The following CTF1 variants were observed in gnomAD, a reference collection of about 807,000 sequenced individuals.
CTF1 encodes cardiotrophin 1, also known as cardiotrophin-1.
CTF1 carries 9 observed loss-of-function variants against 10.9 expected under a neutral mutation model. The observed-to-expected ratio is 0.83, with a 90% CI of 0.50 to 1.44. The LOEUF is 1.44. Ranked by LOEUF, CTF1 falls within the 40% of genes most tolerant of loss-of-function variation. The pLI is 0.00. For missense variants in CTF1, 259 were observed against 275.3 expected, an observed-to-expected ratio of 0.94 and a Z score of 0.42; for synonymous variants, 133 against 138.8, an observed-to-expected ratio of 0.96 and a Z score of 0.29.
chr16:30,898,775 C>A (rs2055375895), intron 1 of CTF1, among the ~76,000 whole-genome samples: 1 of 152,088 alleles, frequency 6.6e-6, no homozygotes, highest in African/African-American at 2.4e-5. Context: ...CCTCTCATCT[C>A]AGCCTCTCAA....
upstream of CTF1, among the ~76,000 whole-genome samples, chr16:30,896,437 C>T (rs148209388): frequency 1.1e-3 from 168 of 152,322 alleles, 5 homozygotes; most frequent in East Asian, 0.026. Context: ...AACTTGCCTT[C>T]CCCCTCGGGC....
At position 30,902,700 on chromosome 16, in the gene CTF1, G is replaced by T; in HGVS notation, c.*161G>T. 2 of 1,143,688 alleles carry T rather than the reference G, an allele frequency of 1.7e-6. No homozygotes were observed. Among genetic ancestry groups the T allele is most frequent in the East Asian group, 6.8e-5 (2 of 29,602 alleles). 70.8% of individuals were successfully genotyped at this position (1,143,688 alleles called of 1,614,324 possible). On this transcript the variant is annotated 3_prime_UTR_variant, in exon 3 of 3. Coordinates refer to ENST00000279804, the MANE Select transcript of CTF1 (RefSeq NM_001330.5). ...TTGTGGGGGAGAGGGGAGGGGACGG[G>T]CAGGGTCTCTGTCGCCCAGGCTGGG...
rs928946667 is a variant in CTF1, at chr16:30,902,644, C to T, written c.*105C>T. 5.7e-5 allele frequency: 77 copies of T among 1,345,932 alleles called. No homozygotes were observed. Among genetic ancestry groups the T allele is most frequent in the Non-Finnish European group, 6.5e-5 (68 of 1,040,462 alleles). The allele number at this position is 1,345,932 out of a possible 1,614,324, so 83.4% of individuals were successfully genotyped here. On this transcript the variant is annotated 3_prime_UTR_variant, in exon 3 of 3. Coordinates refer to ENST00000279804, the MANE Select transcript of CTF1 (RefSeq NM_001330.5). ...TCGGTGTCTGTCTGTCTGCTCTTAG[C>T]TGTCTCCATTGCCTCGGCCTTCTTT...
In CTF1 at chr16:30,902,797, C is replaced by G; in HGVS notation, c.*258C>G. The G allele has an allele frequency of 8.3e-6, 3 of 360,754 alleles. No homozygotes were observed. Among genetic ancestry groups the G allele is most frequent in the Non-Finnish European group, 1.4e-5 (3 of 208,820 alleles). 22.3% of individuals were successfully genotyped at this position (360,754 alleles called of 1,614,324 possible). A position where few individuals can be genotyped will look rare whatever the true frequency, so the allele number is the denominator to read the frequency against. On this transcript the variant is annotated 3_prime_UTR_variant, in exon 3 of 3. Coordinates refer to ENST00000279804, the MANE Select transcript of CTF1 (RefSeq NM_001330.5). Reference sequence around the variant, plus strand: ...AAGCCATCCTTCCGCCTCAGCTTCCCCAGCAGCTGGGACTACAGGCACGCG... The same window carrying G: ...AAGCCATCCTTCCGCCTCAGCTTCCGCAGCAGCTGGGACTACAGGCACGCG...
Position 30,902,324 on chromosome 16 carries a change from G to A in CTF1, c.391G>A (p.Ala131Thr). The A allele has an allele frequency of 9.8e-7, 1 of 1,021,110 alleles. No individual in the cohort carries two copies. Among genetic ancestry groups the A allele is most frequent in the Non-Finnish European group, 1.2e-6 (1 of 856,450 alleles). The allele number at this position is 1,021,110 out of a possible 1,614,324, so 63.3% of individuals were successfully genotyped here. The change falls in exon 3 of 3, where the codon GCC (alanine) becomes ACC (threonine). Residue 131 changes from alanine to threonine, a missense_variant. Transcript: ENST00000279804. Reference sequence around the variant, plus strand: ...GGAGGACGCGGCGCGCCAGGCCCGGGCCCTGGGCGCCGCCGTGGAGGCCTT... The same window carrying A: ...GGAGGACGCGGCGCGCCAGGCCCGGACCCTGGGCGCCGCCGTGGAGGCCTT... ...RLEDAARQAR[A>T]LGAAVEALLA...
In CTF1 at chr16:30,903,304, C is replaced by G. The variant is rs957675131; in HGVS notation, c.*765C>G. The stretch of plus-strand genomic sequence containing the variant: ...CTGGTCCTATGGGGGGAAGGCTACT[C>G]TGCATCTCAGCCACCTTCCTCAGGC... On this transcript the variant is annotated 3_prime_UTR_variant, in exon 3 of 3. Transcript: ENST00000279804. 6.5e-6 allele frequency: 1 copy of G among 153,364 alleles called. No homozygotes were observed. The highest frequency in any genetic ancestry group is 2.4e-5 in the African/African-American group (1 of 41,408). 9.5% of individuals were successfully genotyped at this position (153,364 alleles called of 1,614,324 possible).
Position 30,902,331 on chromosome 16 carries a change from G to T in CTF1, c.398G>T (p.Gly133Val). The change falls in exon 3 of 3, where the codon GGC (glycine) becomes GTC (valine). Residue 133 changes from glycine to valine, a missense_variant. Transcript: ENST00000279804. ...EDAARQARAL[G>V]AAVEALLAAL... ...GCGGCGCGCCAGGCCCGGGCCCTGGGCGCCGCCGTGGAGGCCTTGCTGGCC... is the reference window on the plus strand; with the variant it reads ...GCGGCGCGCCAGGCCCGGGCCCTGGTCGCCGCCGTGGAGGCCTTGCTGGCC... The T allele has an allele frequency of 9.6e-7, 1 of 1,041,118 alleles. No homozygotes were observed. The highest frequency in any genetic ancestry group is 1.2e-6 in the Non-Finnish European group (1 of 869,076). The allele number at this position is 1,041,118 out of a possible 1,614,324, so 64.5% of individuals were successfully genotyped here.
chr16:30,902,369 G>C lies in CTF1; in HGVS notation c.436G>C (p.Ala146Pro). The change falls in exon 3 of 3, where the codon GCC (alanine) becomes CCC (proline). Residue 146 changes from alanine to proline, a missense_variant. By Grantham distance (27) the Ala-to-Pro change is conservative. Coordinates refer to ENST00000279804, the MANE Select transcript of CTF1 (RefSeq NM_001330.5). ...VEALLAALGA[A>P]NRGPRAEPPA... ...GGCCTTGCTGGCCGCGCTGGGCGCC[G>C]CCAACCGCGGGCCCCGGGCCGAGCC... is the stretch of plus-strand genomic sequence containing the variant. 1 of 1,185,414 alleles carries C rather than the reference G, an allele frequency of 8.4e-7. No homozygotes were observed. The highest frequency in any genetic ancestry group is 3.8e-5 in the South Asian group (1 of 26,012). 73.4% of individuals were successfully genotyped at this position (1,185,414 alleles called of 1,614,324 possible).
upstream of CTF1, chr16:30,896,565 G>T: frequency 8.2e-7 from 1 of 1,218,596 alleles, no homozygotes; most frequent in Non-Finnish European, 1.0e-6. Flanking sequence ...CTGCGCCCGG[G>T]CCACGCCCCC....
At chr16:30,897,850 GTCTCTC>G (rs750667288) in intron 1 of CTF1, among the ~76,000 whole-genome samples, 3 of 150,308 alleles carry the variant, frequency 2.0e-5, no homozygotes, top group Non-Finnish European at 3.0e-5. Flanking sequence ...GCAAGACTCC[GTCTCTC>G]TCTCTCTCTC....
chr16:30,900,404 CAAT>C (rs2055390950), intron 2 of CTF1, among the ~76,000 whole-genome samples: 1 of 152,104 alleles, frequency 6.6e-6, no homozygotes, highest in African/African-American at 2.4e-5. Flanking sequence ...TGGGCAGTAA[CAAT>C]AACATTAAAA....
chr16:30,899,791 G>T (rs373400614), intron 2 of CTF1, among the ~76,000 whole-genome samples: 1 of 152,126 alleles, frequency 6.6e-6, no homozygotes, highest in Admixed American at 6.6e-5. Context: ...TCGCTCTGTC[G>T]CCCAGGCTGG....
At chr16:30,901,834 T>C (rs2055402788) in intron 2 of CTF1, among the ~76,000 whole-genome samples, 1 of 150,758 alleles carries the variant, frequency 6.6e-6, no homozygotes, top group African/African-American at 2.4e-5. Flanking sequence ...TTATCTCACC[T>C]TGGCCTCCCA....
At chr16:30,899,654 G>A (rs1355614489) in intron 2 of CTF1, 121 bp downstream of exon 2, 7 of 663,322 alleles carry the variant, frequency 1.1e-5, no homozygotes, top group Non-Finnish European at 1.8e-5. Flanking sequence ...GGGCTCCTGA[G>A]AGGGACAGCA....
intron 1 of CTF1, among the ~76,000 whole-genome samples, chr16:30,898,162 ATTTT>A (rs1368889898): frequency 1.5e-5 from 2 of 130,274 alleles, no homozygotes; most frequent in Admixed American, 7.8e-5. Context: ...CGCCTGGACA[ATTTT>A]TTTTTTTTTT....
In CTF1 at chr16:30,902,579, T is replaced by A; in HGVS notation, c.*40T>A. ...CTCGCCCCGCCTCCTCCCGCTGGGT[T>A]CCGTCTCTCCTTCCGCTTCTTTGTC... On this transcript the variant is annotated 3_prime_UTR_variant, in exon 3 of 3. Transcript: ENST00000279804. 3 of 1,483,284 alleles carry A rather than the reference T, an allele frequency of 2.0e-6. No homozygotes were observed. Among genetic ancestry groups the A allele is most frequent in the Non-Finnish European group, 2.7e-6 (3 of 1,118,970 alleles). The allele number at this position is 1,483,284 out of a possible 1,614,324, so 91.9% of individuals were successfully genotyped here.
chr16:30,902,027 C>T, intron 2 of CTF1, 51 bp from the exon 3 acceptor site: 1 of 1,398,518 alleles, frequency 7.2e-7, no homozygotes, highest in South Asian at 1.4e-5. Flanking sequence ...AGTTAACAGC[C>T]CCCTGCCCGT....
chr16:30,901,742 TA>T (rs1300581768), intron 2 of CTF1, among the ~76,000 whole-genome samples: 3 of 97,084 alleles, frequency 3.1e-5, no homozygotes, highest in Admixed American at 1.1e-4. Context: ...CCACACTCGC[TA>T]TTTTTTTTTT....
chr16:30,902,688 G>A lies in CTF1; in HGVS notation c.*149G>A, dbSNP rs748275032. On this transcript the variant is annotated 3_prime_UTR_variant, in exon 3 of 3. Transcript: ENST00000279804. ...CTTCTTTGCTTTTTGTGGGGGAGAGGGGAGGGGACGGGCAGGGTCTCTGTC... is the reference window on the plus strand; with the variant it reads ...CTTCTTTGCTTTTTGTGGGGGAGAGAGGAGGGGACGGGCAGGGTCTCTGTC... 1 of 1,204,344 alleles carries A rather than the reference G, an allele frequency of 8.3e-7. No individual in the cohort carries two copies. Among genetic ancestry groups the A allele is most frequent in the Non-Finnish European group, 1.1e-6 (1 of 935,420 alleles). 74.6% of individuals were successfully genotyped at this position (1,204,344 alleles called of 1,614,324 possible). A position where few individuals can be genotyped will look rare whatever the true frequency, so the allele number is the denominator to read the frequency against.
Sources: gnomAD v4.1 joint callset for allele counts (sites outside exome capture counted in the v4.1 genomes callset) on GRCh38, gnomAD v4.1.1 for gene constraint, MANE v1.5 for transcripts, NCBI Gene and HGNC (gene_info 2026-07-23, HGNC 2026-07-21) for gene names.